ADAMTS2: variants seen among roughly 807,000 people sequenced by gnomAD.
ADAMTS2 encodes the protein A disintegrin and metalloproteinase with thrombospondin motifs 2.
A neutral mutation model predicts 123.0 loss-of-function variants in ADAMTS2; 50 were observed. That is an observed-to-expected ratio of 0.41 (90% CI 0.32 to 0.51). The LOEUF is 0.51. Among genes scored for constraint, ADAMTS2 ranks in the 20% least tolerant of loss-of-function variants. The pLI is 0.35. For missense variants in ADAMTS2, 1,494 were observed against 1,705.2 expected, an observed-to-expected ratio of 0.88 and a Z score of 2.18; for synonymous variants, 678 against 695.4, an observed-to-expected ratio of 0.98 and a Z score of 0.39.
chr5:179,183,797 C>G (rs1253802234), intron 4 of ADAMTS2, among the ~76,000 whole-genome samples: 1 of 152,212 alleles, frequency 6.6e-6, no homozygotes, highest in Non-Finnish European at 1.5e-5. Context: ...CCCCACCAGG[C>G]CTCTGCCTGC....
In ADAMTS2 at chr5:179,114,100, A is replaced by T. The variant is rs375235017; in HGVS notation, c.3403T>A (p.Ser1135Thr). The change falls in exon 22 of 22, where the codon TCA (serine) becomes ACA (threonine). Residue 1135 changes from serine (S) to threonine (T), a missense_variant. This residue lies in a region of ADAMTS2 where 953 missense variants were observed against 1,124.7 expected (regional missense o/e 0.85). Transcript: ENST00000251582. ...VPTVAMEVRP[S>T]PSTPLEVPLN... ...GGGACCTCCAGGGGGGTGCTTGGTGATGGCCGCACCTCCATGGCTACAGTG... is the reference window on the plus strand; with the variant it reads ...GGGACCTCCAGGGGGGTGCTTGGTGTTGGCCGCACCTCCATGGCTACAGTG... 1 of 1,613,918 alleles carries T rather than the reference A, an allele frequency of 6.2e-7. No homozygotes were observed.
chr5:179,322,468 GCCCT>G, intron 2 of ADAMTS2, among the ~76,000 whole-genome samples: 1 of 152,196 alleles, frequency 6.6e-6, no homozygotes, highest in South Asian at 2.1e-4. Context: ...TCTGATCCAC[GCCCT>G]CCCTTGAGGA....
At chr5:179,341,107 TC>T (rs1395226204) in intron 2 of ADAMTS2, among the ~76,000 whole-genome samples, 1 of 152,176 alleles carries the variant, frequency 6.6e-6, no homozygotes, top group East Asian at 1.9e-4. Flanking sequence ...CGACCAGGGC[TC>T]TGTGAGGACA....
Position 179,272,437 on chromosome 5 carries a change from T to A in ADAMTS2, c.688+474A>T, listed in dbSNP as rs1204600502. On this transcript the variant is annotated intron_variant, in intron 3 of 21. Transcript: ENST00000251582. The surrounding 1 kb of genome is among the most constrained non-coding windows in gnomAD (Gnocchi z 5.8). ...TTCTCCCTGAGCAGCCAGGTGAGGG[T>A]TGGGACCTACCACAGGCACCCTCCC... Among the ~76,000 whole-genome samples, 1 of 151,908 alleles carries A rather than the reference T, an allele frequency of 6.6e-6. No individual in the cohort carries two copies. The highest frequency in any genetic ancestry group is 1.5e-5 in the Non-Finnish European group (1 of 67,944).
At chr5:179,315,909 G>T (rs1756976980) in intron 2 of ADAMTS2, among the ~76,000 whole-genome samples, 2 of 152,238 alleles carry the variant, frequency 1.3e-5, no homozygotes, top group Admixed American at 1.3e-4. Flanking sequence ...ACGTGGGCAA[G>T]TCCCAGAAGA....
At chr5:179,178,879 C>A (rs1763986977) in intron 5 of ADAMTS2, among the ~76,000 whole-genome samples, 2 of 152,206 alleles carry the variant, frequency 1.3e-5, no homozygotes, top group Admixed American at 1.3e-4. Flanking sequence ...CCTCTGAATA[C>A]AGCTTTAACC....
chr5:179,338,103 A>AGCGC (rs1757670876), intron 2 of ADAMTS2, among the ~76,000 whole-genome samples: 1 of 152,184 alleles, frequency 6.6e-6, no homozygotes, highest in Admixed American at 6.5e-5. Flanking sequence ...CAGTGCCAGA[A>AGCGC]ACATACCCAG....
rs561381565 is a variant in ADAMTS2 at position 179,302,345 on chromosome 5, C to A, written c.535-29281G>T. 1.8e-4 allele frequency among the ~76,000 whole-genome samples: 26 copies of A among 140,628 alleles called. No individual in the cohort carries two copies. In the East Asian group the frequency reaches 5.3e-3, roughly 29 times the overall value. 92.3% of individuals were successfully genotyped at this position (140,628 alleles called of 152,430 possible). Reference sequence around the variant, plus strand: ...GGGCGTGGTGGGGGGCGCCTGTAGTCCCAGCTGCTCTGGGCGACAGAGCAA... The same window carrying A: ...GGGCGTGGTGGGGGGCGCCTGTAGTACCAGCTGCTCTGGGCGACAGAGCAA... On this transcript the variant is annotated intron_variant, in intron 2 of 21. Coordinates refer to ENST00000251582, the MANE Select transcript of ADAMTS2 (RefSeq NM_014244.5).
At chr5:179,126,392 G>A (rs1279759677) in intron 17 of ADAMTS2, among the ~76,000 whole-genome samples, 1 of 152,194 alleles carries the variant, frequency 6.6e-6, no homozygotes, top group East Asian at 1.9e-4. Context: ...CAGAGTGGAG[G>A]CCCTATTTCC....
Position 179,153,638 on chromosome 5 carries a change from C to T in ADAMTS2, c.1383-15G>A, listed in dbSNP as rs373540125. On this transcript the variant is annotated splice_polypyrimidine_tract_variant and intron_variant, in intron 8 of 21. Coordinates refer to ENST00000251582, the MANE Select transcript of ADAMTS2 (RefSeq NM_014244.5). ...AGTCATAGGAGCTGTGGGGGACACACGGTGCCGCGAGCAGCCTTCAGCGCG... is the reference window on the plus strand; with the variant it reads ...AGTCATAGGAGCTGTGGGGGACACATGGTGCCGCGAGCAGCCTTCAGCGCG... 503 of 1,598,018 alleles carry T rather than the reference C, an allele frequency of 3.1e-4. No individual in the cohort carries two copies. Among genetic ancestry groups the T allele is most frequent in the Non-Finnish European group, 3.6e-4 (425 of 1,178,544 alleles).
intron 2 of ADAMTS2, among the ~76,000 whole-genome samples, chr5:179,305,512 G>A (rs151024453): frequency 1.3e-5 from 2 of 152,236 alleles, no homozygotes; most frequent in Admixed American, 1.3e-4. Flanking sequence ...GGAGCAACCA[G>A]TAAACACTAT....
At chr5:179,323,710 T>A (rs1194693876) in intron 2 of ADAMTS2, among the ~76,000 whole-genome samples, 8 of 152,264 alleles carry the variant, frequency 5.3e-5, no homozygotes, top group African/African-American at 1.9e-4. Flanking sequence ...TCGGCAACTG[T>A]CAGCACCGCT....
chr5:179,225,863 C>T lies in ADAMTS2; in HGVS notation c.689-18148G>A, dbSNP rs1443599209. Among the ~76,000 whole-genome samples, 1 of 152,198 alleles carries T rather than the reference C, an allele frequency of 6.6e-6. No homozygotes were observed. The highest frequency in any genetic ancestry group is 2.4e-5 in the African/African-American group (1 of 41,462). On this transcript the variant is annotated intron_variant, in intron 3 of 21. Coordinates refer to ENST00000251582, the MANE Select transcript of ADAMTS2 (RefSeq NM_014244.5). This position sits in a 1 kb window ranked among gnomAD's most constrained non-coding sequence, Gnocchi z 4.5. ...GGACATCAAGGAAGAACCCGAGATA[C>T]AGAAAGCCCTCTGTCCTTGCGACAA...
At chr5:179,270,983 C>T (rs897452967) in intron 3 of ADAMTS2, among the ~76,000 whole-genome samples, 6 of 152,182 alleles carry the variant, frequency 3.9e-5, no homozygotes, top group East Asian at 1.9e-4. Context: ...ACCTCCTCCC[C>T]GACAGCCCAT....
At chr5:179,237,486 G>T (rs1765558359) in intron 3 of ADAMTS2, among the ~76,000 whole-genome samples, 1 of 152,154 alleles carries the variant, frequency 6.6e-6, no homozygotes, top group South Asian at 2.1e-4. Flanking sequence ...CTGGTGTTGG[G>T]GGTGCTTTTT....
At chr5:179,190,212 G>A (rs1764274364) in intron 4 of ADAMTS2, among the ~76,000 whole-genome samples, 1 of 152,176 alleles carries the variant, frequency 6.6e-6, no homozygotes, top group African/African-American at 2.4e-5. Context: ...TTGGGGTGGT[G>A]AAAATTTTTG....
At chr5:179,316,313 C>T (rs897044871) in intron 2 of ADAMTS2, among the ~76,000 whole-genome samples, 8 of 152,188 alleles carry the variant, frequency 5.3e-5, no homozygotes, top group African/African-American at 1.4e-4. Flanking sequence ...TCAGAGGGGT[C>T]GGCAGGGACA....
intron 3 of ADAMTS2, among the ~76,000 whole-genome samples, chr5:179,233,796 G>C (rs1043835590): frequency 1.3e-5 from 2 of 152,174 alleles, no homozygotes; most frequent in South Asian, 2.1e-4. Context: ...GCCATCTCCA[G>C]GTCCCCAAGG....
In ADAMTS2 at chr5:179,299,470, A is replaced by G. The variant is rs143844897; in HGVS notation, c.535-26406T>C. Among the ~76,000 whole-genome samples the G allele has an allele frequency of 6.1e-3, 862 of 142,108 alleles. 10 individuals carry two copies. The highest frequency in any genetic ancestry group is 0.021 in the African/African-American group (786 of 37,080). 93.2% of individuals were successfully genotyped at this position (142,108 alleles called of 152,430 possible). On this transcript the variant is annotated intron_variant, in intron 2 of 21. Coordinates refer to ENST00000251582, the MANE Select transcript of ADAMTS2 (RefSeq NM_014244.5). Reference sequence around the variant, plus strand: ...TGTGAACCCAGGAGGCGGAGCTTGCAGTGAGCCAAGATCACACCACAGCAC... The same window carrying G: ...TGTGAACCCAGGAGGCGGAGCTTGCGGTGAGCCAAGATCACACCACAGCAC...
Sources: allele counts gnomAD v4.1 joint callset (sites outside exome capture counted in the v4.1 genomes callset), GRCh38; gene constraint gnomAD v4.1.1; regional missense constraint gnomAD v4.1.1; non-coding constraint Gnocchi (gnomAD v3.1); transcripts MANE v1.5; gene names NCBI Gene and HGNC (gene_info 2026-07-23, HGNC 2026-07-21).